CPNE4: variants seen among roughly 807,000 people sequenced by gnomAD.
CPNE4 encodes copine 4, also known as copine-4.
Under a neutral mutation model 67.9 loss-of-function variants are expected in CPNE4, and 25 were observed. The ratio of observed to expected loss-of-function variants is 0.37; its 90% confidence interval spans 0.27 to 0.51. CPNE4 has a LOEUF of 0.51. CPNE4 is among the 20% of genes least tolerant of loss of function. CPNE4 has a pLI of 0.93. For synonymous variants in CPNE4, 242 were observed against 244.9 expected (o/e 0.99, Z 0.11); for missense variants, 464 against 690.8 (o/e 0.67, Z 3.68).
intron 2 of CPNE4, among the ~76,000 whole-genome samples, chr3:131,790,974 T>C (rs1290276306): frequency 6.6e-6 from 1 of 152,184 alleles, no homozygotes. Context: ...ACTCAAAGTG[T>C]TAAAGATTTT....
At chr3:131,627,203 A>G (rs946711609) in intron 7 of CPNE4, among the ~76,000 whole-genome samples, 1 of 151,486 alleles carries the variant, frequency 6.6e-6, no homozygotes, top group Admixed American at 6.6e-5. Flanking sequence ...CAAAAAAAAA[A>G]AAAAAAAGAA....
At chr3:131,861,259 A>G (rs1289587062) in intron 2 of CPNE4, among the ~76,000 whole-genome samples, 2 of 152,240 alleles carry the variant, frequency 1.3e-5, no homozygotes, top group African/African-American at 4.8e-5. Flanking sequence ...CAAAAAGTTT[A>G]TAGAATAAGT....
chr3:131,586,750 G>A (rs552327793), intron 8 of CPNE4, among the ~76,000 whole-genome samples: 1,734 of 152,080 alleles, frequency 0.011, 29 homozygotes, highest in African/African-American at 0.039. Context: ...CTGTCTGTCT[G>A]TCTGTCTGTC....
intron 1 of CPNE4, among the ~76,000 whole-genome samples, chr3:132,010,857 CT>C (rs1440887678): frequency 6.6e-6 from 1 of 152,118 alleles, no homozygotes; most frequent in Non-Finnish European, 1.5e-5. Flanking sequence ...AACTCAAGAG[CT>C]CCCTTTTTTC....
chr3:131,789,827 G>C (rs2083669569), intron 2 of CPNE4, among the ~76,000 whole-genome samples: 1 of 152,120 alleles, frequency 6.6e-6, no homozygotes, highest in African/African-American at 2.4e-5. Context: ...CTGCAGAATA[G>C]AGAAAATCAA....
At chr3:131,545,734 G>A (rs530425791) in intron 14 of CPNE4, among the ~76,000 whole-genome samples, 2 of 152,190 alleles carry the variant, frequency 1.3e-5, no homozygotes, top group South Asian at 4.2e-4. Flanking sequence ...AATATAATTG[G>A]TTTACTTTAT....
At chr3:131,792,615 A>ATG in intron 2 of CPNE4, among the ~76,000 whole-genome samples, 1 of 113,154 alleles carries the variant, frequency 8.8e-6, no homozygotes, top group Non-Finnish European at 1.8e-5. Context: ...GTGTGTGTAT[A>ATG]TATGTATATA....
rs753043182 is a variant in CPNE4, at chr3:131,587,497, A to T, written c.767T>A (p.Met256Lys). ...TTGACCATGTACCTGTTTCCCTTCC[A>T]TTGCTCCTCTCATCTCCTTGAATGT... Reference protein sequence around the residue: ...TSTFKEMRGAMEGKQVQWECI... With the variant: ...TSTFKEMRGAKEGKQVQWECI... The change falls in exon 8 of 16, where the codon ATG becomes AAG. Residue 256 changes from methionine to lysine, a missense_variant. Coordinates refer to ENST00000429747, the MANE Select transcript of CPNE4 (RefSeq NM_130808.3). The T allele has an allele frequency of 3.1e-6, 5 of 1,613,598 alleles. No individual in the cohort carries two copies. The Admixed American group carries it at 5.0e-5, about 16-fold the overall frequency.
At chr3:131,997,876 T>G (rs928095303) in intron 1 of CPNE4, among the ~76,000 whole-genome samples, 2 of 151,946 alleles carry the variant, frequency 1.3e-5, no homozygotes, top group African/African-American at 4.8e-5. Flanking sequence ...AGTCGGAGAG[T>G]GGCATAATGA....
upstream of CPNE4, chr3:132,037,751 A>C (rs2074363905): frequency 1.6e-6 from 1 of 643,204 alleles, no homozygotes; most frequent in African/African-American, 1.8e-5. Flanking sequence ...TCAGTGTCTT[A>C]TGCCAATATG....
At chr3:132,014,855 A>G (rs1235461721) in intron 1 of CPNE4, among the ~76,000 whole-genome samples, 1 of 152,182 alleles carries the variant, frequency 6.6e-6, no homozygotes, top group Non-Finnish European at 1.5e-5. Flanking sequence ...TCGTGTGGAA[A>G]AAAATTGACT....
intron 2 of CPNE4, among the ~76,000 whole-genome samples, chr3:131,880,691 C>G (rs2087641703): frequency 6.6e-6 from 1 of 152,140 alleles, no homozygotes; most frequent in Admixed American, 6.5e-5. Flanking sequence ...GGGAATTTTA[C>G]CTCTAACTCT....
chr3:131,992,947 G>A (rs1342046367), intron 1 of CPNE4, among the ~76,000 whole-genome samples: 1 of 136,070 alleles, frequency 7.3e-6, no homozygotes, highest in African/African-American at 2.5e-5. Flanking sequence ...AGTTTCCTGA[G>A]GCCTCCTTAG....
At chr3:131,852,840 T>A (rs2086288909) in intron 2 of CPNE4, among the ~76,000 whole-genome samples, 1 of 151,472 alleles carries the variant, frequency 6.6e-6, no homozygotes, top group Admixed American at 6.6e-5. Context: ...TTGTTTTTAA[T>A]AATAATACAA....
rs565035304 is a variant in CPNE4 at position 131,626,584 on chromosome 3, T to C, written c.682-39002A>G. On this transcript the variant is annotated intron_variant, in intron 7 of 15. Coordinates refer to ENST00000429747, the MANE Select transcript of CPNE4 (RefSeq NM_130808.3). ...TTTGAAGCTAGCAGAATTTGGTTCA[T>C]GAGGTTTAAGGAAAGAAGCTGTCTC... 3.8e-3 allele frequency among the ~76,000 whole-genome samples: 577 copies of C among 152,310 alleles called. 2 individuals carry two copies. Among genetic ancestry groups the C allele is most frequent in the African/African-American group, 0.013 (527 of 41,566 alleles).
intron 2 of CPNE4, among the ~76,000 whole-genome samples, chr3:131,748,552 T>C (rs2082548805): frequency 6.6e-6 from 1 of 152,078 alleles, no homozygotes; most frequent in Non-Finnish European, 1.5e-5. Flanking sequence ...AATTCTCCAG[T>C]GAAACCATCT....
intron 1 of CPNE4, among the ~76,000 whole-genome samples, chr3:131,952,172 G>A (rs1441654387): frequency 2.0e-5 from 3 of 148,258 alleles, no homozygotes; most frequent in African/African-American, 5.0e-5. Flanking sequence ...ATCTCTGCCC[G>A]GCCGCCCATC....
intron 1 of CPNE4, among the ~76,000 whole-genome samples, chr3:132,020,418 G>A (rs1316815857): frequency 1.3e-5 from 2 of 152,146 alleles, no homozygotes; most frequent in Non-Finnish European, 2.9e-5. Context: ...ATTAATAAAT[G>A]ATAACCCCAT....
chr3:131,722,563 A>G (rs55792739), intron 3 of CPNE4, among the ~76,000 whole-genome samples: 14,043 of 151,930 alleles, frequency 0.092, 768 homozygotes, highest in African/African-American at 0.11. Flanking sequence ...TGGTGCCACA[A>G]TGCCTTCTTT....
Sources: allele counts gnomAD v4.1 joint callset (sites outside exome capture counted in the v4.1 genomes callset), GRCh38; gene constraint gnomAD v4.1.1; transcripts MANE v1.5; gene names NCBI Gene and HGNC (gene_info 2026-07-23, HGNC 2026-07-21).